Variants in RAD50 observed in about 807,000 individuals in gnomAD.
RAD50 encodes DNA repair protein RAD50.
RAD50 carries 132 observed loss-of-function variants against 168.8 expected under a neutral mutation model. The ratio of observed to expected loss-of-function variants is 0.78; its 90% CI spans 0.68 to 0.90. The LOEUF (loss-of-function observed/expected upper bound fraction) is 0.90. Ranked by LOEUF, RAD50 falls within the 40% of genes least tolerant of loss-of-function variation. The pLI, the probability that RAD50 is intolerant of heterozygous loss-of-function variation, is 0.00. For synonymous variants in RAD50, 525 were observed against 497.4 expected (o/e 1.06, Z -0.74); for missense variants, 1,347 against 1,534.4 (o/e 0.88, Z 2.04).
At chr5:132,561,632 A>C (rs1014639438) in intron 2 of RAD50, among the ~76,000 whole-genome samples, 9 of 152,166 alleles carry the variant, frequency 5.9e-5, no homozygotes, top group Non-Finnish European at 2.9e-5. Context: ...ACATTTATAT[A>C]TTTGACCCTG....
At chr5:132,558,711 C>T (rs996043656) in intron 1 of RAD50, among the ~76,000 whole-genome samples, 9 of 124,548 alleles carry the variant, frequency 7.2e-5, no homozygotes, top group South Asian at 2.8e-4. Context: ...GAGACTCTCT[C>T]CCCCCACAAA....
At chr5:132,577,802 ATTTTTTTTTTTTTTTT>A (rs923754085) in intron 3 of RAD50, among the ~76,000 whole-genome samples, 1 of 84,380 alleles carries the variant, frequency 1.2e-5, no homozygotes, top group Non-Finnish European at 2.2e-5. Context: ...CCCATTTCTG[ATTTTTTTTTTTTTTTT>A]TTTTTTTTTT....
chr5:132,591,868 T>TA lies in RAD50; in HGVS notation c.1636-8dup, dbSNP rs1580994751. 1 of 1,575,882 alleles carries TA rather than the reference T, an allele frequency of 6.3e-7. No homozygotes were observed. Among genetic ancestry groups the TA allele is most frequent in the Non-Finnish European group, 8.7e-7 (1 of 1,150,936 alleles). Reference sequence around the variant, plus strand: ...CTTTATTTTTAAAAGATTTTTTTTTTACCTATAGGCTGACAAAGATGAACA... The same window carrying TA: ...CTTTATTTTTAAAAGATTTTTTTTTTAACCTATAGGCTGACAAAGATGAACA... On this transcript the variant is annotated splice_polypyrimidine_tract_variant and intron_variant, in intron 10 of 24. Transcript: ENST00000378823.
Position 132,608,734 on chromosome 5 carries a change from T to G in RAD50, c.2829+9T>G. 6.4e-7 allele frequency: 1 copy of G among 1,568,390 alleles called. No individual in the cohort carries two copies. Among genetic ancestry groups the G allele is most frequent in the South Asian group, 1.2e-5 (1 of 84,694 alleles). ...AAATAGCACAGGATAAAGTAAGATT[T>G]CATTTATATATTTACTTATCAAATA... On this transcript the variant is annotated intron_variant, in intron 17 of 24. Transcript: ENST00000378823.
rs961871420 is a variant in RAD50 at position 132,568,077 on chromosome 5, A to AT, written c.214-7689dup. Among the ~76,000 whole-genome samples, 152 of 148,134 alleles carry AT rather than the reference A, an allele frequency of 1.0e-3. 1 individual carries two copies. Among genetic ancestry groups the AT allele is most frequent in the Non-Finnish European group, 1.8e-3 (123 of 66,598 alleles). On this transcript the variant is annotated intron_variant, in intron 2 of 24. Transcript: ENST00000378823. Reference sequence around the variant, plus strand: ...GGATTTTTTTTTAAATTTTTTTTAAATTTTTTTTTTTGAGATGGAGTCTCA... The same window carrying AT: ...GGATTTTTTTTTAAATTTTTTTTAAATTTTTTTTTTTTGAGATGGAGTCTCA...
chr5:132,609,890 AAGGCATAAAAGTG>A lies in RAD50; in HGVS notation c.3036+495_3036+507del, dbSNP rs568438500. Among the ~76,000 whole-genome samples, 1,063 of 152,150 alleles carry A rather than the reference AAGGCATAAAAGTG, an allele frequency of 7.0e-3. 16 individuals are homozygous for A. Among genetic ancestry groups the A allele is most frequent in the African/African-American group, 0.023 (972 of 41,540 alleles). On this transcript the variant is annotated intron_variant, in intron 19 of 24. Transcript: ENST00000378823. Reference sequence around the variant, plus strand: ...GACTCATGGTAAAAGTTCGAACATAAAGGCATAAAAGTGTTCCTCCCCTTCTCCTAATTCTCAA... The same window carrying A: ...GACTCATGGTAAAAGTTCGAACATAATTCCTCCCCTTCTCCTAATTCTCAA...
chr5:132,619,889 G>GATATAT (rs1281581940), intron 21 of RAD50, among the ~76,000 whole-genome samples: 1 of 132,022 alleles, frequency 7.6e-6, no homozygotes, highest in African/African-American at 3.0e-5. Context: ...TATATATAGA[G>GATATAT]AGAGAGAGAG....
chr5:132,558,362 G>A (rs951134072), intron 1 of RAD50, among the ~76,000 whole-genome samples: 1 of 152,074 alleles, frequency 6.6e-6, no homozygotes, highest in Non-Finnish European at 1.5e-5. Flanking sequence ...GATTGTTTGC[G>A]AGTGACCTCA....
chr5:132,642,826 G>C lies in RAD50; in HGVS notation c.*462G>C. ...TAATATCTGAGGATGACCAGAAATG[G>C]TGAGATGTATGTTTGGCTCTGCTTT... On this transcript the variant is annotated 3_prime_UTR_variant, in exon 25 of 25. Coordinates refer to ENST00000378823, the MANE Select transcript of RAD50 (RefSeq NM_005732.4). 2.8e-6 allele frequency: 1 copy of C among 357,404 alleles called. No homozygotes were observed. The highest frequency in any genetic ancestry group is 4.6e-5 in the East Asian group (1 of 21,664). 22.1% of individuals were successfully genotyped at this position (357,404 alleles called of 1,614,324 possible).
chr5:132,639,510 T>G (rs73787029), intron 23 of RAD50, among the ~76,000 whole-genome samples: 6,321 of 152,316 alleles, frequency 0.041, 429 homozygotes, highest in African/African-American at 0.14. Context: ...CTACGTGCTT[T>G]GATGATTTTT....
chr5:132,558,671 A>G (rs886937466), intron 1 of RAD50, among the ~76,000 whole-genome samples: 2 of 141,258 alleles, frequency 1.4e-5, no homozygotes, highest in Non-Finnish European at 3.0e-5. Context: ...AGATCACGCC[A>G]TTGCACTACA....
chr5:132,633,912 T>TA (rs1751522898), intron 21 of RAD50, among the ~76,000 whole-genome samples: 1 of 151,092 alleles, frequency 6.6e-6, no homozygotes, highest in Non-Finnish European at 1.5e-5. Flanking sequence ...ATTTTTTTTT[T>TA]ATCTTTTGTA....
chr5:132,577,629 C>G (rs1750421439), intron 3 of RAD50, among the ~76,000 whole-genome samples: 1 of 152,072 alleles, frequency 6.6e-6, no homozygotes, highest in African/African-American at 2.4e-5. Context: ...TCATTAGGCT[C>G]AGTCCTGTAT....
chr5:132,620,152 G>C (rs1262505200), intron 21 of RAD50, among the ~76,000 whole-genome samples: 1 of 151,882 alleles, frequency 6.6e-6, no homozygotes, highest in African/African-American at 2.4e-5. Context: ...TGATCCACCT[G>C]TATTGGCCTC....
chr5:132,576,630 A>G (rs906308481), intron 3 of RAD50, among the ~76,000 whole-genome samples: 4 of 152,192 alleles, frequency 2.6e-5, no homozygotes, highest in Admixed American at 2.0e-4. Context: ...AACACACTCA[A>G]GTATCTCTCA....
At chr5:132,618,933 A>G (rs1751226343) in intron 21 of RAD50, among the ~76,000 whole-genome samples, 1 of 152,116 alleles carries the variant, frequency 6.6e-6, no homozygotes, top group Admixed American at 6.5e-5. Flanking sequence ...AAAGATTTTT[A>G]CTTTCTCTGC....
chr5:132,622,487 G>T (rs1463228798), intron 21 of RAD50, among the ~76,000 whole-genome samples: 3 of 152,088 alleles, frequency 2.0e-5, no homozygotes, highest in Non-Finnish European at 4.4e-5. Flanking sequence ...TTTGTATTTT[G>T]ATTCCTTCTT....
At chr5:132,611,960 G>A (rs1174205327) in intron 19 of RAD50, among the ~76,000 whole-genome samples, 1 of 152,168 alleles carries the variant, frequency 6.6e-6, no homozygotes, top group Non-Finnish European at 1.5e-5. Context: ...TGTTTAGAAA[G>A]CAAAGGTTCT....
Position 132,637,952 on chromosome 5 carries a change from A to T in RAD50, c.3476-129A>T, listed in dbSNP as rs933823455. 4 of 1,087,058 alleles carry T rather than the reference A, an allele frequency of 3.7e-6. No homozygotes were observed. In the East Asian group the frequency reaches 1.0e-4, roughly 27 times the overall value. The allele number at this position is 1,087,058 out of a possible 1,614,324, so 67.3% of individuals were successfully genotyped here. On this transcript the variant is annotated intron_variant, in intron 22 of 24. Coordinates refer to ENST00000378823, the MANE Select transcript of RAD50 (RefSeq NM_005732.4). The stretch of plus-strand genomic sequence containing the variant: ...CCTCCCAGCCAGAGAAAGAGTTTCC[A>T]CACCAGCCATTGTTTTCCTCTGGTA...
Sources: allele counts gnomAD v4.1 joint callset (sites outside exome capture counted in the v4.1 genomes callset), GRCh38; gene constraint gnomAD v4.1.1; transcripts MANE v1.5; gene names NCBI Gene and HGNC (gene_info 2026-07-23, HGNC 2026-07-21).